Variants in FGF12 observed in about 807,000 individuals in gnomAD.
FGF12 encodes the protein fibroblast growth factor 12B.
FGF12 carries 14 observed loss-of-function variants against 23.6 expected under a neutral mutation model. The ratio of observed to expected loss-of-function variants is 0.59; its 90% confidence interval spans 0.39 to 0.93. The LOEUF (loss-of-function observed/expected upper bound fraction) is 0.93. FGF12 is among the 40% of genes least tolerant of loss of function. The pLI is 0.00. For missense variants in FGF12, 175 were observed against 217.8 expected, an observed-to-expected ratio of 0.80 and a Z score of 1.24; for synonymous variants, 62 against 77.3, an observed-to-expected ratio of 0.80 and a Z score of 1.04.
Position 192,360,751 on chromosome 3 carries a change from C to A in FGF12, c.14-213G>T. The A allele has an allele frequency of 1.8e-6, 1 of 548,234 alleles. No homozygotes were observed. Among genetic ancestry groups the A allele is most frequent in the Non-Finnish European group, 3.3e-6 (1 of 306,048 alleles). 34.0% of individuals were successfully genotyped at this position (548,234 alleles called of 1,614,324 possible). A position where few individuals can be genotyped will look rare whatever the true frequency, so the allele number is the denominator to read the frequency against. ...AACACTTTTAGCAGTAAACTAAATG[C>A]AAATAAATAAAAGCTAATTATGATT... On this transcript the variant is annotated intron_variant, in intron 2 of 5. Coordinates refer to ENST00000445105, the MANE Select transcript of FGF12 (RefSeq NM_004113.6). The surrounding 1 kb of genome is among the most constrained non-coding windows in gnomAD (Gnocchi z 4.3).
chr3:192,624,080 T>C (rs1715070477), intron 2 of FGF12, among the ~76,000 whole-genome samples: 1 of 152,188 alleles, frequency 6.6e-6, no homozygotes, highest in Non-Finnish European at 1.5e-5. Flanking sequence ...AGTTCCTTTT[T>C]TCCATATTTT....
chr3:192,391,977 T>A (rs1407847889), intron 2 of FGF12, among the ~76,000 whole-genome samples: 1 of 152,172 alleles, frequency 6.6e-6, no homozygotes, highest in Admixed American at 6.5e-5. Flanking sequence ...GCCTTGCTAC[T>A]CAATGTGTGG....
At chr3:192,625,650 T>C (rs1276418062) in intron 2 of FGF12, among the ~76,000 whole-genome samples, 1 of 152,166 alleles carries the variant, frequency 6.6e-6, no homozygotes, top group Non-Finnish European at 1.5e-5. Context: ...GAAAAATCTC[T>C]ATTTTCAGAA....
chr3:192,555,425 G>A (rs1282531388), intron 2 of FGF12, among the ~76,000 whole-genome samples: 2 of 151,982 alleles, frequency 1.3e-5, no homozygotes, highest in Non-Finnish European at 2.9e-5. Flanking sequence ...TTTAATTCTG[G>A]TGTAGAAATT....
chr3:192,410,862 CA>C (rs1485659471), intron 2 of FGF12, among the ~76,000 whole-genome samples: 1 of 152,176 alleles, frequency 6.6e-6, no homozygotes, highest in Non-Finnish European at 1.5e-5. Flanking sequence ...AGACACTGGG[CA>C]GAGGAGTTCT....
At chr3:192,213,270 T>C (rs75341812) in intron 4 of FGF12, among the ~76,000 whole-genome samples, 1 of 147,056 alleles carries the variant, frequency 6.8e-6, no homozygotes, top group African/African-American at 2.6e-5. Context: ...TCTCCAATTC[T>C]TTTTTTTTTC....
intron 2 of FGF12, among the ~76,000 whole-genome samples, chr3:192,653,539 T>C (rs2366852): frequency 0.57 from 86,739 of 151,994 alleles, 25,164 homozygotes; most frequent in East Asian, 0.67. Context: ...TTACAGAGTT[T>C]TGTAGCCTTC....
At chr3:192,620,234 ACACACACGCGCGCGCGCGCGCACG>A (rs1714921337) in intron 2 of FGF12, among the ~76,000 whole-genome samples, 1 of 69,578 alleles carries the variant, frequency 1.4e-5, no homozygotes, top group Admixed American at 1.4e-4. Context: ...GATCAATTAC[ACACACACGCGCGCGCGCGCGCACG>A]CACACACACA....
intron 4 of FGF12, among the ~76,000 whole-genome samples, chr3:192,210,401 A>G (rs894865921): frequency 6.6e-6 from 1 of 152,230 alleles, no homozygotes; most frequent in African/African-American, 2.4e-5. Context: ...AAAGCCAGAT[A>G]ATTCTTGGAG....
chr3:192,475,788 T>A lies in FGF12; in HGVS notation c.14-115250A>T, dbSNP rs150646937. Among the ~76,000 whole-genome samples the A allele has an allele frequency of 5.1e-3, 783 of 152,300 alleles. 9 individuals carry two copies. The highest frequency in any genetic ancestry group is 0.018 in the African/African-American group (750 of 41,578). On this transcript the variant is annotated intron_variant, in intron 2 of 5. Transcript: ENST00000445105. ...ATTCACAGGGACCGAACACAACTTC[T>A]ATGTGTCTGAAATACGATTCCGACC... is the stretch of plus-strand genomic sequence containing the variant.
chr3:192,696,692 T>G (rs1056586792), intron 2 of FGF12, among the ~76,000 whole-genome samples: 4 of 152,004 alleles, frequency 2.6e-5, no homozygotes, highest in African/African-American at 9.7e-5. Context: ...CAGAAGAAAT[T>G]ATTGTTCTGT....
intron 4 of FGF12, among the ~76,000 whole-genome samples, chr3:192,245,771 AG>A (rs1231414837): frequency 1.3e-5 from 2 of 152,326 alleles, no homozygotes; most frequent in East Asian, 3.9e-4. Context: ...AGAAGGAGGC[AG>A]TAACAATGCC....
At chr3:192,232,628 T>A (rs1172340375) in intron 4 of FGF12, among the ~76,000 whole-genome samples, 1 of 152,066 alleles carries the variant, frequency 6.6e-6, no homozygotes, top group Admixed American at 6.6e-5. Context: ...TGGGGTTTGG[T>A]GTACACATGA....
chr3:192,639,326 A>T (rs1294781530), intron 2 of FGF12, among the ~76,000 whole-genome samples: 1 of 152,256 alleles, frequency 6.6e-6, no homozygotes, highest in Non-Finnish European at 1.5e-5. Flanking sequence ...GATGTGAAGA[A>T]AAGAGAAGCC....
intron 2 of FGF12, among the ~76,000 whole-genome samples, chr3:192,715,065 T>C (rs6770779): frequency 0.066 from 10,027 of 152,208 alleles, 504 homozygotes; most frequent in East Asian, 0.19. Flanking sequence ...TGTACGTATA[T>C]CTTGCTTTGC....
Position 192,363,802 on chromosome 3 carries a change from G to A in FGF12, c.14-3264C>T, listed in dbSNP as rs1041037975. Among the ~76,000 whole-genome samples, 5 of 152,134 alleles carry A rather than the reference G, an allele frequency of 3.3e-5. No individual in the cohort carries two copies. In the East Asian group the frequency reaches 5.8e-4, roughly 18 times the overall value. On this transcript the variant is annotated intron_variant, in intron 2 of 5. Coordinates refer to ENST00000445105, the MANE Select transcript of FGF12 (RefSeq NM_004113.6). ...TTTAAAGAAAGGAGGTATAAAATGA[G>A]ACCACTTTTCAGCATATCCAGCATC...
At chr3:192,600,621 TA>T (rs1714073740) in intron 2 of FGF12, among the ~76,000 whole-genome samples, 1 of 152,018 alleles carries the variant, frequency 6.6e-6, no homozygotes, top group East Asian at 1.9e-4. Context: ...CAATTCAATT[TA>T]AAAATGGGCA....
chr3:192,363,166 C>G (rs1283317706), intron 2 of FGF12, among the ~76,000 whole-genome samples: 1 of 151,068 alleles, frequency 6.6e-6, no homozygotes, highest in African/African-American at 2.4e-5. Context: ...TGCAGCACAC[C>G]AACATGGCAC....
intron 4 of FGF12, among the ~76,000 whole-genome samples, chr3:192,275,494 T>C (rs1176570894): frequency 6.6e-6 from 1 of 152,138 alleles, no homozygotes; most frequent in African/African-American, 2.4e-5. Context: ...GAATGGTAAA[T>C]AAAAAACAAT....
Sources: gnomAD v4.1 joint callset for allele counts (sites outside exome capture counted in the v4.1 genomes callset) on GRCh38, gnomAD v4.1.1 for gene constraint, Gnocchi (gnomAD v3.1) non-coding constraint, MANE v1.5 for transcripts, NCBI Gene and HGNC (gene_info 2026-07-23, HGNC 2026-07-21) for gene names.